Variants in CELF2 observed in about 807,000 individuals in gnomAD.
CELF2 encodes CUG triplet repeat RNA-binding protein 2.
In CELF2, 8 loss-of-function variants were observed where a neutral mutation model predicts 62.6. That is an observed-to-expected ratio of 0.13 (90% CI 0.07 to 0.23). CELF2 has a LOEUF of 0.23. CELF2 is among the 10% of genes least tolerant of loss of function. CELF2 has a pLI of 1.00. For missense variants in CELF2, 333 were observed against 671.0 expected (o/e 0.50, Z 5.56); for synonymous variants, 258 against 250.0 (o/e 1.03, Z -0.30).
the CELF2 span, among the ~76,000 whole-genome samples, chr10:10,677,045 A>G: frequency 6.6e-6 from 1 of 152,240 alleles, no homozygotes; most frequent in Admixed American, 6.5e-5. Flanking sequence ...AAAGCAGACC[A>G]GTTCAGCCCA....
chr10:10,600,018 A>G, the CELF2 span, among the ~76,000 whole-genome samples: 1 of 152,122 alleles, frequency 6.6e-6, no homozygotes, highest in Non-Finnish European at 1.5e-5. Context: ...GACGTGAGCC[A>G]CCGAGCCCGG....
chr10:11,119,305 T>A (rs1185072020), intron 1 of CELF2, among the ~76,000 whole-genome samples: 5 of 152,222 alleles, frequency 3.3e-5, no homozygotes, highest in African/African-American at 1.2e-4. Context: ...GTCCTGAAAG[T>A]CAGATGTTAC....
intron 2 of CELF2, among the ~76,000 whole-genome samples, chr10:10,979,366 A>T (rs577484508): frequency 1.3e-4 from 20 of 152,280 alleles, no homozygotes; most frequent in African/African-American, 3.8e-4. Flanking sequence ...AGTGATAATA[A>T]TTCTAATAAA....
chr10:10,486,308 C>T, the CELF2 span, among the ~76,000 whole-genome samples: 1 of 152,156 alleles, frequency 6.6e-6, no homozygotes, highest in Non-Finnish European at 1.5e-5. Flanking sequence ...AATGCAAGTG[C>T]ACATAGAAAG....
chr10:11,212,075 A>T (rs756555954), intron 2 of CELF2, among the ~76,000 whole-genome samples: 12 of 152,272 alleles, frequency 7.9e-5, no homozygotes, highest in Middle Eastern at 3.4e-3. Context: ...CTGATCCATG[A>T]TGGCATAATC....
intron 1 of CELF2, among the ~76,000 whole-genome samples, chr10:11,084,540 A>G (rs112362847): frequency 7.9e-5 from 12 of 152,370 alleles, no homozygotes; most frequent in African/African-American, 1.7e-4. Context: ...GATGGACAGT[A>G]TATTAATGGG....
the CELF2 span, among the ~76,000 whole-genome samples, chr10:10,754,429 A>C: frequency 6.6e-6 from 1 of 152,032 alleles, no homozygotes; most frequent in African/African-American, 2.4e-5. Flanking sequence ...TGGGATTCCA[A>C]GGATAAGCCA....
At chr10:10,694,922 G>C in the CELF2 span, among the ~76,000 whole-genome samples, 4 of 150,690 alleles carry the variant, frequency 2.7e-5, no homozygotes, top group African/African-American at 4.9e-5. Flanking sequence ...ACATGAGATG[G>C]GTTTCCTGAA....
At chr10:10,651,293 G>A in the CELF2 span, among the ~76,000 whole-genome samples, 10 of 147,222 alleles carry the variant, frequency 6.8e-5, no homozygotes, top group African/African-American at 2.5e-4. Context: ...GAGGCTGGGG[G>A]AGGGGTGCCC....
In CELF2 at chr10:11,227,428, C is replaced by T. The variant is rs192666013; in HGVS notation, c.354+9921C>T. Among the ~76,000 whole-genome samples, 67 of 152,248 alleles carry T rather than the reference C, an allele frequency of 4.4e-4. No homozygotes were observed. Among genetic ancestry groups the T allele is most frequent in the African/African-American group, 1.5e-3 (61 of 41,544 alleles). ...CCCATGAGACAGCGCTGCTGCTCTC[C>T]GCATCACAGCAAAGTCAAGGCAAAG... On this transcript the variant is annotated intron_variant, in intron 3 of 12. Transcript: ENST00000633077. This position sits in a 1 kb window ranked among gnomAD's most constrained non-coding sequence, Gnocchi z 4.8.
chr10:10,482,047 T>C, the CELF2 span, among the ~76,000 whole-genome samples: 1 of 152,230 alleles, frequency 6.6e-6, no homozygotes, highest in South Asian at 2.1e-4. Flanking sequence ...GTTAGCATGA[T>C]AGAAATTGCT....
At chr10:10,678,103 A>G in the CELF2 span, among the ~76,000 whole-genome samples, 1 of 152,188 alleles carries the variant, frequency 6.6e-6, no homozygotes, top group Non-Finnish European at 1.5e-5. Context: ...TATTCTACTC[A>G]GTTAGCTGTC....
the CELF2 span, among the ~76,000 whole-genome samples, chr10:10,629,081 T>A: frequency 6.6e-6 from 1 of 152,316 alleles, no homozygotes; most frequent in African/African-American, 2.4e-5. Flanking sequence ...TAGAATCTCC[T>A]TGTTCCTGAA....
At chr10:10,836,399 C>T (rs1053907635) in intron 1 of CELF2, among the ~76,000 whole-genome samples, 8 of 152,224 alleles carry the variant, frequency 5.3e-5, no homozygotes, top group African/African-American at 1.7e-4. Flanking sequence ...TTAAATTCAG[C>T]TGAGAAACTA....
chr10:10,874,004 T>C (rs1292146536), intron 1 of CELF2, among the ~76,000 whole-genome samples: 3 of 152,188 alleles, frequency 2.0e-5, no homozygotes, highest in African/African-American at 7.2e-5. Flanking sequence ...AATAATGTGC[T>C]GAAATTATAT....
At chr10:11,009,366 T>G (rs1042911479) in intron 1 of CELF2, among the ~76,000 whole-genome samples, 1 of 151,958 alleles carries the variant, frequency 6.6e-6, no homozygotes, top group East Asian at 1.9e-4. Context: ...TGTGTGTGCG[T>G]GCGCGCGTCG....
At chr10:10,831,793 G>A (rs1175644502) in intron 1 of CELF2, among the ~76,000 whole-genome samples, 2 of 152,022 alleles carry the variant, frequency 1.3e-5, no homozygotes, top group African/African-American at 2.4e-5. Flanking sequence ...CCAACATGGT[G>A]AAACCCTGTC....
intron 1 of CELF2, among the ~76,000 whole-genome samples, chr10:11,119,864 T>TCCCCCCCCCCCCCCC (rs57433204): frequency 1.3e-4 from 15 of 112,180 alleles, no homozygotes; most frequent in African/African-American, 2.7e-4. Context: ...TGATTCCGCC[T>TCCCCCCCCCCCCCCC]CCCCCCCCCC....
At chr10:10,649,425 C>G in the CELF2 span, among the ~76,000 whole-genome samples, 2 of 152,148 alleles carry the variant, frequency 1.3e-5, no homozygotes, top group East Asian at 3.9e-4. Context: ...TTACAGTACT[C>G]AAGTTAATAT....
Sources: allele counts gnomAD v4.1 joint callset (sites outside exome capture counted in the v4.1 genomes callset), GRCh38; gene constraint gnomAD v4.1.1; non-coding constraint Gnocchi (gnomAD v3.1); transcripts MANE v1.5; gene names NCBI Gene and HGNC (gene_info 2026-07-23, HGNC 2026-07-21).